CDK5RAP2: variants seen among roughly 807,000 people sequenced by gnomAD.
CDK5RAP2 encodes the protein CDK5 regulatory subunit associated protein 2, also known as CDK5 regulatory subunit-associated protein 2.
Under a neutral mutation model 232.9 loss-of-function variants are expected in CDK5RAP2, and 147 were observed. That is an observed-to-expected ratio of 0.63 (90% CI 0.55 to 0.72). The LOEUF is 0.72. CDK5RAP2 is among the 30% of genes least tolerant of loss of function. The pLI, the probability that CDK5RAP2 is intolerant of heterozygous loss-of-function variation, is 0.00. For missense variants in CDK5RAP2, 2,195 were observed against 2,231.5 expected (o/e 0.98, Z 0.33); for synonymous variants, 833 against 833.7 (o/e 1.00, Z 0.01).
chr9:120,506,147 A>C (rs2039800654), intron 12 of CDK5RAP2, among the ~76,000 whole-genome samples: 1 of 152,294 alleles, frequency 6.6e-6, no homozygotes, highest in Non-Finnish European at 1.5e-5. Flanking sequence ...TGGTAACTTT[A>C]ACTGGAAGCC....
At chr9:120,420,605 T>G (rs2034509262) in intron 26 of CDK5RAP2, among the ~76,000 whole-genome samples, 1 of 151,330 alleles carries the variant, frequency 6.6e-6, no homozygotes, top group African/African-American at 2.4e-5. Flanking sequence ...AAAAAAAAAA[T>G]GCTGTGAAAA....
At chr9:120,447,599 A>G (rs549860538) in intron 22 of CDK5RAP2, among the ~76,000 whole-genome samples, 1 of 152,348 alleles carries the variant, frequency 6.6e-6, no homozygotes, top group Non-Finnish European at 1.5e-5. Context: ...AGACAAAGCC[A>G]AACACAACTG....
intron 12 of CDK5RAP2, among the ~76,000 whole-genome samples, chr9:120,492,296 T>C (rs533452997): frequency 4.3e-4 from 65 of 152,302 alleles, no homozygotes; most frequent in African/African-American, 1.1e-3. Flanking sequence ...TCTCTATAAA[T>C]ATACTGCCCT....
At chr9:120,462,644 T>C (rs2037155601) in intron 18 of CDK5RAP2, among the ~76,000 whole-genome samples, 1 of 152,194 alleles carries the variant, frequency 6.6e-6, no homozygotes, top group Non-Finnish European at 1.5e-5. Context: ...AGTAAAAGAA[T>C]ATATACAAAA....
intron 15 of CDK5RAP2, among the ~76,000 whole-genome samples, chr9:120,473,025 T>C (rs537211618): frequency 7.9e-5 from 12 of 152,318 alleles, no homozygotes; most frequent in African/African-American, 2.9e-4. Context: ...GATGTGGAAA[T>C]GGCAGAGATC....
chr9:120,441,366 C>T (rs2035886818), intron 23 of CDK5RAP2, among the ~76,000 whole-genome samples: 1 of 152,120 alleles, frequency 6.6e-6, no homozygotes, highest in Non-Finnish European at 1.5e-5. Flanking sequence ...AAGAACATCA[C>T]TGAAAAGTTG....
In CDK5RAP2 at chr9:120,579,928, G is replaced by A. The variant is rs562622614; in HGVS notation, c.51C>T (p.Ser17=). ...CAATGCCCCGGCCGCACCTGCAGCC[G>A]CTGAGCGTCCCAGGGACGGTGACGT... ...EEDVTVPGTL[S]GCSGLVPSVP... Residue 17 remains serine, a synonymous_variant, in exon 1 of 38, where the codon AGC becomes AGT. Transcript: ENST00000349780. 2.6e-4 allele frequency: 417 copies of A among 1,612,722 alleles called. 7 individuals carry two copies. In the South Asian group the frequency reaches 4.3e-3, roughly 17 times the overall value.
chr9:120,428,898 G>C (rs1451202330), intron 25 of CDK5RAP2, among the ~76,000 whole-genome samples: 2 of 152,148 alleles, frequency 1.3e-5, no homozygotes, highest in Non-Finnish European at 2.9e-5. Context: ...ACATCAAAAA[G>C]CTTATCCACC....
intron 15 of CDK5RAP2, among the ~76,000 whole-genome samples, chr9:120,476,500 A>T (rs1434122175): frequency 2.6e-5 from 4 of 152,030 alleles, no homozygotes; most frequent in African/African-American, 9.7e-5. Flanking sequence ...TAACATGGTG[A>T]AACACCATCT....
chr9:120,546,144 G>C (rs1401516709), intron 4 of CDK5RAP2, among the ~76,000 whole-genome samples: 1 of 152,172 alleles, frequency 6.6e-6, no homozygotes, highest in Non-Finnish European at 1.5e-5. Flanking sequence ...TCTGCGGTGT[G>C]TTTTTCCCAT....
chr9:120,539,142 C>T lies in CDK5RAP2; in HGVS notation c.406G>A (p.Glu136Lys). ...KASKAVESLAEAGGSEIQRVK... is the reference protein window; with the variant it reads ...KASKAVESLAKAGGSEIQRVK... ...CGCTGGATTTCAGAGCCACCTGCTTCAGCTAAGCTCTCAACTGCTTTGCTG... is the reference window on the plus strand; with the variant it reads ...CGCTGGATTTCAGAGCCACCTGCTTTAGCTAAGCTCTCAACTGCTTTGCTG... Residue 136 changes from glutamate (E) to lysine (K), a missense_variant, in exon 6 of 38, where the codon GAA (glutamate) becomes AAA (lysine). Transcript: ENST00000349780. 1 of 1,613,972 alleles carries T rather than the reference C, an allele frequency of 6.2e-7. No homozygotes were observed. Among genetic ancestry groups the T allele is most frequent in the South Asian group, 1.1e-5 (1 of 91,076 alleles).
At chr9:120,554,188 A>G (rs915900545) in intron 3 of CDK5RAP2, among the ~76,000 whole-genome samples, 1 of 152,268 alleles carries the variant, frequency 6.6e-6, no homozygotes, top group East Asian at 1.9e-4. Context: ...ATATGAATAC[A>G]TAATTATTTA....
intron 37 of CDK5RAP2, 55 bp from the exon 38 acceptor site, chr9:120,389,347 G>T (rs1384036052): frequency 6.4e-6 from 9 of 1,397,004 alleles, no homozygotes; most frequent in Middle Eastern, 1.8e-4. Context: ...GGTTTCTGAA[G>T]TAAGACCCCG....
chr9:120,554,080 C>T (rs1266266236), intron 3 of CDK5RAP2, among the ~76,000 whole-genome samples: 2 of 152,120 alleles, frequency 1.3e-5, no homozygotes, highest in African/African-American at 4.8e-5. Context: ...CCACATTGTG[C>T]ACTCATAGGA....
chr9:120,536,566 A>G, intron 6 of CDK5RAP2, 40 bp from the exon 7 acceptor site: 1 of 1,584,734 alleles, frequency 6.3e-7, no homozygotes, highest in Non-Finnish European at 8.6e-7. Context: ...ATTTTTCAAT[A>G]CAATTGGGAA....
chr9:120,420,029 G>T, intron 26 of CDK5RAP2, 69 bp from the exon 27 acceptor site: 1 of 1,229,078 alleles, frequency 8.1e-7, no homozygotes, highest in South Asian at 1.2e-5. Context: ...TATGACTTAC[G>T]AATACTTACG....
rs554490701 is a variant in CDK5RAP2 at position 120,569,531 on chromosome 9, C to G, written c.128-1143G>C. On this transcript the variant is annotated intron_variant, in intron 2 of 37. Transcript: ENST00000349780. Reference sequence around the variant, plus strand: ...GACCAGTTACCTGGGGGAGAATTCTCCACATTCAGGGAGAAGCCTGAGGTG... The same window carrying G: ...GACCAGTTACCTGGGGGAGAATTCTGCACATTCAGGGAGAAGCCTGAGGTG... 3.9e-5 allele frequency among the ~76,000 whole-genome samples: 6 copies of G among 152,258 alleles called. No individual in the cohort carries two copies. The South Asian group carries it at 1.2e-3, about 32-fold the overall frequency.
intron 29 of CDK5RAP2, 84 bp from the exon 30 acceptor site, chr9:120,409,400 A>G: frequency 1.0e-6 from 1 of 973,856 alleles, no homozygotes; most frequent in Non-Finnish European, 1.6e-6. Flanking sequence ...CTTCAAGAAT[A>G]CAAAAAAGAA....
At chr9:120,448,589 C>T (rs183868667) in intron 21 of CDK5RAP2, among the ~76,000 whole-genome samples, 184 of 152,292 alleles carry the variant, frequency 1.2e-3, no homozygotes, top group Admixed American at 2.9e-3. Context: ...AACTCCCAGA[C>T]ATCTTCATTT....
Sources: allele counts gnomAD v4.1 joint callset (sites outside exome capture counted in the v4.1 genomes callset), GRCh38; gene constraint gnomAD v4.1.1; transcripts MANE v1.5; gene names NCBI Gene and HGNC (gene_info 2026-07-23, HGNC 2026-07-21).